PSMA8: variants seen among roughly 807,000 people sequenced by gnomAD.
The protein encoded by PSMA8 is proteasome 20S subunit alpha 8.
A neutral mutation model predicts 32.4 loss-of-function variants in PSMA8; 18 were observed. The ratio of observed to expected loss-of-function variants is 0.56; its 90% CI spans 0.38 to 0.82. PSMA8 has a LOEUF of 0.82. PSMA8 is among the 40% of genes least tolerant of loss of function. PSMA8 has a pLI of 0.00. For missense variants in PSMA8, 298 were observed against 300.7 expected, an observed-to-expected ratio of 0.99 and a Z score of 0.07; for synonymous variants, 104 against 98.1, an observed-to-expected ratio of 1.06 and a Z score of -0.36.
chr18:26,164,680 A>G lies in PSMA8; in HGVS notation c.477+6436A>G, dbSNP rs150824790. ...AAACTTTTCTAGTTTAAAGGACACT[A>G]AAGAATTTATGCAATCCAAGATTTT... is the stretch of plus-strand genomic sequence containing the variant. On this transcript the variant is annotated intron_variant, in intron 4 of 6. Transcript: ENST00000415576. Among the ~76,000 whole-genome samples, 56 of 152,358 alleles carry G rather than the reference A, an allele frequency of 3.7e-4. No homozygotes were observed. In the East Asian group the frequency reaches 9.6e-3, roughly 26 times the overall value.
intron 2 of PSMA8, among the ~76,000 whole-genome samples, chr18:26,148,630 C>T (rs951997146): frequency 2.0e-5 from 3 of 151,920 alleles, no homozygotes; most frequent in Non-Finnish European, 4.4e-5. Context: ...CCACTTTTGC[C>T]GCTGCTATTC....
At chr18:26,185,162 T>C (rs1479688278) in intron 6 of PSMA8, among the ~76,000 whole-genome samples, 1 of 150,338 alleles carries the variant, frequency 6.7e-6, no homozygotes, top group Non-Finnish European at 1.5e-5. Flanking sequence ...AAAATTCTCC[T>C]TGGAAAAAAA....
intron 4 of PSMA8, among the ~76,000 whole-genome samples, chr18:26,161,955 CAG>C (rs1327550423): frequency 1.3e-5 from 2 of 152,036 alleles, no homozygotes; most frequent in Non-Finnish European, 2.9e-5. Flanking sequence ...ATTAAAAAAA[CAG>C]GGGTACAGTA....
At chr18:26,160,326 C>T (rs558681110) in intron 4 of PSMA8, among the ~76,000 whole-genome samples, 1 of 152,272 alleles carries the variant, frequency 6.6e-6, no homozygotes, top group African/African-American at 2.4e-5. Context: ...GTTCACATTC[C>T]TAGTTAATAG....
chr18:26,184,022 T>G (rs1461171293), intron 6 of PSMA8, among the ~76,000 whole-genome samples: 2 of 150,700 alleles, frequency 1.3e-5, no homozygotes, highest in Non-Finnish European at 1.5e-5. Context: ...TGTTTTCAAA[T>G]TAAGATATGT....
At position 26,169,723 on chromosome 18, in the gene PSMA8, C is replaced by T. The variant is rs1470997232; in HGVS notation, c.478-9107C>T. 3.1e-5 allele frequency among the ~76,000 whole-genome samples: 4 copies of T among 128,930 alleles called. 1 individual carries two copies. The highest frequency in any genetic ancestry group is 1.3e-4 in the African/African-American group (3 of 23,046). 84.6% of individuals were successfully genotyped at this position (128,930 alleles called of 152,430 possible). A position where few individuals can be genotyped will look rare whatever the true frequency, so the allele number is the denominator to read the frequency against. ...TTAGCCGGGCGTGGTGGCGCGCACC[C>T]GGTCCCAGCTACTTGGGAGCCTGAG... On this transcript the variant is annotated intron_variant, in intron 4 of 6. Coordinates refer to ENST00000415576, the MANE Select transcript of PSMA8 (RefSeq NM_001025096.2).
At chr18:26,144,296 T>A (rs188391044) in intron 1 of PSMA8, among the ~76,000 whole-genome samples, 31 of 152,318 alleles carry the variant, frequency 2.0e-4, no homozygotes, top group Admixed American at 1.4e-3. Flanking sequence ...TTCAGGTGTA[T>A]TGTATGAGAT....
intron 4 of PSMA8, among the ~76,000 whole-genome samples, chr18:26,178,098 G>T (rs191187011): frequency 6.6e-6 from 1 of 152,058 alleles, no homozygotes; most frequent in African/African-American, 2.4e-5. Flanking sequence ...CGTACCAATA[G>T]TCCCAGCTAC....
intron 2 of PSMA8, among the ~76,000 whole-genome samples, chr18:26,149,134 A>G (rs570993666): frequency 2.0e-5 from 3 of 152,326 alleles, no homozygotes; most frequent in African/African-American, 7.2e-5. Context: ...GAGTCACCAC[A>G]CCAAGCCCCA....
In PSMA8 at chr18:26,161,920, G is replaced by T. The variant is rs532709206; in HGVS notation, c.477+3676G>T. Among the ~76,000 whole-genome samples, 18 of 152,184 alleles carry T rather than the reference G, an allele frequency of 1.2e-4. No individual in the cohort carries two copies. The South Asian group carries it at 3.5e-3, about 30-fold the overall frequency. ...ACTCAGTCAGCCATGTTGTCAGGTT[G>T]CCATGAAGCTCTGCCAGTATCCAGA... On this transcript the variant is annotated intron_variant, in intron 4 of 6. Coordinates refer to ENST00000415576, the MANE Select transcript of PSMA8 (RefSeq NM_001025096.2).
chr18:26,166,841 C>A (rs1056847714), intron 4 of PSMA8, among the ~76,000 whole-genome samples: 1 of 152,076 alleles, frequency 6.6e-6, no homozygotes, highest in Admixed American at 6.5e-5. Context: ...AGTTTTCAAG[C>A]AAAAATTATA....
intron 1 of PSMA8, among the ~76,000 whole-genome samples, chr18:26,144,197 G>A (rs533715888): frequency 6.6e-6 from 1 of 152,144 alleles, no homozygotes; most frequent in Non-Finnish European, 1.5e-5. Flanking sequence ...TGATAAAATT[G>A]GTTTCATTAT....
At chr18:26,179,561 T>A (rs1209997278) in intron 6 of PSMA8, among the ~76,000 whole-genome samples, 1 of 152,214 alleles carries the variant, frequency 6.6e-6, no homozygotes, top group Non-Finnish European at 1.5e-5. Context: ...CATGTTATTA[T>A]ATGTATAACG....
chr18:26,167,229 G>C (rs1358085652), intron 4 of PSMA8, among the ~76,000 whole-genome samples: 3 of 152,026 alleles, frequency 2.0e-5, no homozygotes, highest in African/African-American at 7.3e-5. Context: ...TTCTGAGAAG[G>C]GCATTAAAAT....
In PSMA8 at chr18:26,172,150, A is replaced by G. The variant is rs369896540; in HGVS notation, c.478-6680A>G. ...ACCCTGAAAAACAGAGCCTTGTCTG[A>G]CAGCCCAAGGCACATGATATCTCTC... On this transcript the variant is annotated intron_variant, in intron 4 of 6. Transcript: ENST00000415576. 1.7e-4 allele frequency among the ~76,000 whole-genome samples: 26 copies of G among 152,358 alleles called. No individual in the cohort carries two copies. In the East Asian group the frequency reaches 3.5e-3, roughly 20 times the overall value.
intron 3 of PSMA8, among the ~76,000 whole-genome samples, chr18:26,157,071 C>G (rs1425996431): frequency 6.6e-6 from 1 of 151,374 alleles, no homozygotes; most frequent in East Asian, 1.9e-4. Flanking sequence ...AGGCGTGAGC[C>G]ACTGCATCCA....
chr18:26,165,663 G>T (rs1183524017), intron 4 of PSMA8, among the ~76,000 whole-genome samples: 1 of 150,708 alleles, frequency 6.6e-6, no homozygotes, highest in Non-Finnish European at 1.5e-5. Context: ...TGGACACTGG[G>T]GATAGCAGTG....
chr18:26,137,735 C>T (rs529639931), intron 1 of PSMA8, among the ~76,000 whole-genome samples: 4 of 152,130 alleles, frequency 2.6e-5, no homozygotes, highest in South Asian at 4.2e-4. Context: ...AAAATAGATT[C>T]GATCCCTGTC....
intron 4 of PSMA8, among the ~76,000 whole-genome samples, chr18:26,161,944 G>A (rs929138755): frequency 7.9e-5 from 12 of 151,946 alleles, no homozygotes; most frequent in African/African-American, 2.9e-4. Context: ...CCAGTATCCA[G>A]ATTAAAAAAA....
Sources: allele counts gnomAD v4.1 joint callset (sites outside exome capture counted in the v4.1 genomes callset), GRCh38; gene constraint gnomAD v4.1.1; transcripts MANE v1.5; gene names NCBI Gene and HGNC (gene_info 2026-07-23, HGNC 2026-07-21).